Variants in RASSF3 observed in about 807,000 individuals in gnomAD.
The protein encoded by RASSF3 is ras association domain-containing protein 3.
Under a neutral mutation model 19.9 loss-of-function variants are expected in RASSF3, and 19 were observed. The ratio of observed to expected loss-of-function variants is 0.96; its 90% CI spans 0.67 to 1.40. The LOEUF (loss-of-function observed/expected upper bound fraction) is 1.40. Among genes scored for constraint, RASSF3 ranks in the 40% most tolerant of loss-of-function variants. The pLI is 0.00. For missense variants in RASSF3, 306 were observed against 289.8 expected, an observed-to-expected ratio of 1.06 and a Z score of -0.41; for synonymous variants, 110 against 104.2, an observed-to-expected ratio of 1.06 and a Z score of -0.34.
At chr12:64,636,396 G>C (rs1592435310) in intron 1 of RASSF3, among the ~76,000 whole-genome samples, 1 of 152,136 alleles carries the variant, frequency 6.6e-6, no homozygotes, top group Admixed American at 6.5e-5. Flanking sequence ...TTACAGGCAT[G>C]AGCCACTGCA....
intron 2 of RASSF3, among the ~76,000 whole-genome samples, chr12:64,600,920 T>C (rs2136145563): frequency 6.6e-6 from 1 of 152,342 alleles, no homozygotes; most frequent in Non-Finnish European, 1.5e-5. Context: ...TTCAGTCTTC[T>C]CTTAATGTCA....
intron 1 of RASSF3, among the ~76,000 whole-genome samples, chr12:64,510,757 G>A (rs893975286): frequency 1.3e-5 from 2 of 152,304 alleles, no homozygotes; most frequent in Non-Finnish European, 2.9e-5. Context: ...GAATGGGGAG[G>A]GGTGTATGAG....
upstream of RASSF3, among the ~76,000 whole-genome samples, chr12:64,607,044 C>T (rs539901057): frequency 7.8e-4 from 118 of 151,566 alleles, no homozygotes; most frequent in African/African-American, 2.5e-3. Context: ...TTTTGGAGGC[C>T]GAGGTGGGAG....
intron 1 of RASSF3, among the ~76,000 whole-genome samples, chr12:64,679,075 C>CG (rs1565869409): frequency 6.6e-6 from 1 of 152,018 alleles, no homozygotes. Flanking sequence ...TTTTTTGAAG[C>CG]GGGGGTGGGG....
chr12:64,531,862 G>A (rs1429480530), upstream of RASSF3, among the ~76,000 whole-genome samples: 1 of 152,218 alleles, frequency 6.6e-6, no homozygotes, highest in African/African-American at 2.4e-5. Flanking sequence ...AGAGCCAGCT[G>A]AGAAATAAGA....
chr12:64,630,178 G>C (rs1450581852), intron 1 of RASSF3, among the ~76,000 whole-genome samples: 2 of 151,838 alleles, frequency 1.3e-5, no homozygotes, highest in Admixed American at 6.6e-5. Context: ...TCATCAAAAG[G>C]GAAAATGTGG....
At chr12:64,572,372 T>A (rs1869533461) in intron 2 of RASSF3, among the ~76,000 whole-genome samples, 1 of 151,964 alleles carries the variant, frequency 6.6e-6, no homozygotes, top group Non-Finnish European at 1.5e-5. Flanking sequence ...GTCTGCCATA[T>A]AAAGACACAG....
chr12:64,584,762 T>C (rs1565843543), intron 2 of RASSF3, among the ~76,000 whole-genome samples: 1 of 151,744 alleles, frequency 6.6e-6, no homozygotes, highest in Non-Finnish European at 1.5e-5. Context: ...ATGGGAAGCA[T>C]CCAACCCTTA....
At chr12:64,607,924 T>G (rs991716412), upstream of RASSF3, among the ~76,000 whole-genome samples, 2 of 151,824 alleles carry the variant, frequency 1.3e-5, no homozygotes, top group Non-Finnish European at 2.9e-5. Context: ...TTGGCTAATT[T>G]TTTTTTGTTT....
At chr12:64,658,809 C>T (rs1449000227) in intron 1 of RASSF3, among the ~76,000 whole-genome samples, 2 of 152,206 alleles carry the variant, frequency 1.3e-5, no homozygotes, top group African/African-American at 2.4e-5. Flanking sequence ...TGGCTCACGC[C>T]TGTAATCCCA....
intron 1 of RASSF3, among the ~76,000 whole-genome samples, chr12:64,648,440 T>A (rs572100611): frequency 2.5e-4 from 38 of 152,074 alleles, no homozygotes; most frequent in South Asian, 1.2e-3. Context: ...GCTATGGGAA[T>A]AGACAGAGGC....
At chr12:64,547,623 C>A (rs529889764) in intron 2 of RASSF3, among the ~76,000 whole-genome samples, 127 of 152,054 alleles carry the variant, frequency 8.4e-4, no homozygotes, top group African/African-American at 3.0e-3. Flanking sequence ...AAGGAAGGAA[C>A]TTTTCAACTA....
At chr12:64,624,175 C>G (rs1402915558) in intron 1 of RASSF3, among the ~76,000 whole-genome samples, 1 of 151,856 alleles carries the variant, frequency 6.6e-6, no homozygotes, top group South Asian at 2.1e-4. Flanking sequence ...AACCTAGCAC[C>G]GATATCAACA....
downstream of RASSF3, among the ~76,000 whole-genome samples, chr12:64,543,605 G>T (rs977227861): frequency 1.4e-5 from 2 of 143,942 alleles, no homozygotes; most frequent in Admixed American, 1.4e-4. Flanking sequence ...ATGGCACCCG[G>T]TCCCATCCAC....
At chr12:64,661,357 C>T (rs552753468) in intron 1 of RASSF3, among the ~76,000 whole-genome samples, 3 of 152,154 alleles carry the variant, frequency 2.0e-5, no homozygotes, top group African/African-American at 7.2e-5. Context: ...CACAGTGTGG[C>T]GCCTGTAGTC....
chr12:64,531,521 C>A (rs147115572), upstream of RASSF3, among the ~76,000 whole-genome samples: 10 of 152,318 alleles, frequency 6.6e-5, no homozygotes, highest in Non-Finnish European at 1.2e-4. Flanking sequence ...TGTTGTGCAA[C>A]CATCACCACT....
intron 1 of RASSF3, among the ~76,000 whole-genome samples, chr12:64,679,017 G>A (rs1399214817): frequency 6.6e-6 from 1 of 152,136 alleles, no homozygotes; most frequent in Non-Finnish European, 1.5e-5. Flanking sequence ...CTAAAGTAGA[G>A]GAAATGATAG....
chr12:64,603,198 A>G (rs1429276397), intron 2 of RASSF3, among the ~76,000 whole-genome samples: 3 of 151,500 alleles, frequency 2.0e-5, no homozygotes, highest in East Asian at 1.9e-4. Context: ...TTGTTTCTTT[A>G]TCTTTCAAAG....
intron 1 of RASSF3, among the ~76,000 whole-genome samples, chr12:64,669,101 T>G (rs1208113296): frequency 6.6e-6 from 1 of 152,226 alleles, no homozygotes; most frequent in Non-Finnish European, 1.5e-5. Flanking sequence ...AGTAGGGCGT[T>G]GAACTATGTG....
Sources: gnomAD v4.1 joint callset for allele counts (sites outside exome capture counted in the v4.1 genomes callset) on GRCh38, gnomAD v4.1.1 for gene constraint, MANE v1.5 for transcripts, NCBI Gene and HGNC (gene_info 2026-07-23, HGNC 2026-07-21) for gene names.